The following CACNA1E variants were observed in gnomAD, a reference collection of about 807,000 sequenced individuals.
CACNA1E encodes calcium voltage-gated channel subunit alpha1 E.
CACNA1E carries 40 observed loss-of-function variants against 259.2 expected under a neutral mutation model. That is an observed-to-expected ratio of 0.15 (90% CI 0.12 to 0.20). CACNA1E has a LOEUF of 0.20. CACNA1E is among the 10% of genes least tolerant of loss of function. CACNA1E has a pLI of 1.00. For missense variants in CACNA1E, 1,874 were observed against 3,040.1 expected (o/e 0.62, Z 9.02); for synonymous variants, 1,104 against 1,138.5 (o/e 0.97, Z 0.61).
Position 181,483,805 on chromosome 1 carries a change from C to A in CACNA1E, c.61C>A (p.Gln21Lys). 6.2e-7 allele frequency: 1 copy of A among 1,613,322 alleles called. No homozygotes were observed. ...AGGGTCCGGCGATGGAGACTCGGAC[C>A]AGAGCAGGAACCGGCAAGGAACCCC... ...RPGSGDGDSD[Q>K]SRNRQGTPVP... is the part of the protein sequence containing the mutation. The change falls in exon 1 of 48, where the codon CAG (glutamine) becomes AAG (lysine). Residue 21 changes from glutamine to lysine, a missense_variant. By Grantham distance (53) the Gln-to-Lys change is moderately conservative. Coordinates refer to ENST00000367573, the MANE Select transcript of CACNA1E (RefSeq NM_001205293.3).
chr1:181,539,518 A>G (rs138087975), intron 3 of CACNA1E, among the ~76,000 whole-genome samples: 58 of 152,282 alleles, frequency 3.8e-4, no homozygotes, highest in Middle Eastern at 3.4e-3. Context: ...TCCTTGTCAC[A>G]TGATCACCTT....
chr1:181,739,224 C>G lies in CACNA1E; in HGVS notation c.3690C>G (p.Val1230=). The G allele has an allele frequency of 6.2e-7, 1 of 1,613,202 alleles. No homozygotes were observed. ...GGAACATCCTGGACTTTGTGGTGGTCGTTGGCGCATTGGTGGCCTTTGCTC... is the reference window on the plus strand; with the variant it reads ...GGAACATCCTGGACTTTGTGGTGGTGGTTGGCGCATTGGTGGCCTTTGCTC... ...DLWNILDFVV[V]VGALVAFALA... Residue 1230 remains valine (V), a synonymous_variant, in exon 25 of 48, where the codon GTC becomes GTG. Coordinates refer to ENST00000367573, the MANE Select transcript of CACNA1E (RefSeq NM_001205293.3).
chr1:181,494,315 TG>T lies in CACNA1E; in HGVS notation c.266+10306del, dbSNP rs1445843321. Among the ~76,000 whole-genome samples the T allele has an allele frequency of 7.5e-4, 112 of 150,030 alleles. 1 individual carries two copies. Among genetic ancestry groups the T allele is most frequent in the South Asian group, 5.2e-3 (25 of 4,770 alleles). On this transcript the variant is annotated intron_variant, in intron 1 of 47. Transcript: ENST00000367573. ...TGAATTAAAATACTTTTTAAAGTGGTGTTTTTTTTTTTTTTTAAAGAAGTGG... is the reference window on the plus strand; with the variant it reads ...TGAATTAAAATACTTTTTAAAGTGGTTTTTTTTTTTTTTTTAAAGAAGTGG...
In CACNA1E at chr1:181,783,943, C is replaced by T. The variant is rs143608542; in HGVS notation, c.5470+159C>T. Among the ~76,000 whole-genome samples the T allele has an allele frequency of 1.6e-3, 239 of 152,282 alleles. 1 individual carries two copies. Among genetic ancestry groups the T allele is most frequent in the African/African-American group, 5.5e-3 (228 of 41,552 alleles). On this transcript the variant is annotated intron_variant, in intron 40 of 47. Transcript: ENST00000367573. ...TATCTGACTCAATAACTAATAATTG[C>T]CCTTTCCTTCTGGTACAGTGAATGG...
chr1:181,422,265 C>T (rs977095114), intron 2 of CACNA1E, among the ~76,000 whole-genome samples: 9 of 152,216 alleles, frequency 5.9e-5, no homozygotes, highest in East Asian at 1.9e-4. Flanking sequence ...TTGACTGCCT[C>T]GTTCACTCCA....
At chr1:181,742,597 G>A (rs1458792797) in intron 25 of CACNA1E, among the ~76,000 whole-genome samples, 2 of 152,116 alleles carry the variant, frequency 1.3e-5, no homozygotes, top group Admixed American at 1.3e-4. Flanking sequence ...AGAAACCAGG[G>A]CTGACATGGC....
At chr1:181,731,703 G>A (rs1013513814) in intron 19 of CACNA1E, among the ~76,000 whole-genome samples, 5 of 152,066 alleles carry the variant, frequency 3.3e-5, no homozygotes, top group Non-Finnish European at 5.9e-5. Context: ...ATGATTTCCC[G>A]CTGCCCCATG....
At chr1:181,655,180 A>G (rs556449711) in intron 7 of CACNA1E, among the ~76,000 whole-genome samples, 1 of 152,220 alleles carries the variant, frequency 6.6e-6, no homozygotes, top group East Asian at 1.9e-4. Flanking sequence ...TACTTTAATG[A>G]TAATTTTTAT....
rs573828167 is a variant in CACNA1E at position 181,541,616 on chromosome 1, C to T, written c.512+30106C>T. ...TGAAAGGCTCTGTTTCTGGGCAAGC[C>T]GCAGTGCTTAGCAGCAGCTGCTAAA... is the stretch of plus-strand genomic sequence containing the variant. On this transcript the variant is annotated intron_variant, in intron 3 of 47. Transcript: ENST00000367573. Among the ~76,000 whole-genome samples, 224 of 152,282 alleles carry T rather than the reference C, an allele frequency of 1.5e-3. 1 individual carries two copies. The highest frequency in any genetic ancestry group is 5.2e-3 in the African/African-American group (218 of 41,540).
intron 1 of CACNA1E, among the ~76,000 whole-genome samples, chr1:181,338,038 G>A (rs532245202): frequency 3.3e-5 from 5 of 152,122 alleles, no homozygotes; most frequent in African/African-American, 1.2e-4. Flanking sequence ...TTGTCTTTTT[G>A]TTAATAGCCA....
intron 25 of CACNA1E, 102 bp from the exon 26 acceptor site, chr1:181,750,374 C>T: frequency 1.0e-6 from 1 of 988,854 alleles, no homozygotes; most frequent in South Asian, 1.4e-5. Flanking sequence ...TCTCTTTTCT[C>T]CCTGAAGTGT....
intron 7 of CACNA1E, among the ~76,000 whole-genome samples, chr1:181,693,426 T>G (rs1651398279): frequency 6.6e-6 from 1 of 152,272 alleles, no homozygotes; most frequent in South Asian, 2.1e-4. Context: ...AATGGTGGAT[T>G]GGATAAAGAA....
At chr1:181,373,982 A>C (rs1050947016) in intron 1 of CACNA1E, among the ~76,000 whole-genome samples, 1 of 151,946 alleles carries the variant, frequency 6.6e-6, no homozygotes, top group Admixed American at 6.6e-5. Flanking sequence ...ATTTGTATAG[A>C]TTTTTGCATC....
At chr1:181,604,003 C>T (rs1253446270) in intron 6 of CACNA1E, among the ~76,000 whole-genome samples, 2 of 152,184 alleles carry the variant, frequency 1.3e-5, no homozygotes, top group Non-Finnish European at 1.5e-5. Context: ...CTGTACCTTG[C>T]CCTTCCCTGT....
At chr1:181,757,647 TCTGA>T (rs1386432269) in intron 30 of CACNA1E, among the ~76,000 whole-genome samples, 4 of 152,222 alleles carry the variant, frequency 2.6e-5, no homozygotes, top group Non-Finnish European at 5.9e-5. Context: ...GATCTTTACT[TCTGA>T]CTAAGGACAT....
chr1:181,565,660 G>C (rs1381640587), intron 3 of CACNA1E, among the ~76,000 whole-genome samples: 3 of 152,254 alleles, frequency 2.0e-5, no homozygotes, highest in Admixed American at 1.3e-4. Context: ...CAGAGGAAGA[G>C]GAGGGACTGG....
chr1:181,547,931 C>T (rs555640652), intron 3 of CACNA1E, among the ~76,000 whole-genome samples: 49 of 152,198 alleles, frequency 3.2e-4, no homozygotes, highest in African/African-American at 1.1e-3. Context: ...TAGAGGAGAA[C>T]TTACTATCTA....
chr1:181,578,181 T>C (rs1651163759), intron 4 of CACNA1E, among the ~76,000 whole-genome samples: 1 of 152,218 alleles, frequency 6.6e-6, no homozygotes, highest in South Asian at 2.1e-4. Context: ...ATTTTTCCCC[T>C]GTGCATTTTA....
rs1250171650 is a variant in CACNA1E, at chr1:181,808,065, A to G, written c.*9231A>G. 1 of 152,210 alleles carries G rather than the reference A, an allele frequency of 6.6e-6. No individual in the cohort carries two copies. The highest frequency in any genetic ancestry group is 1.9e-4 in the East Asian group (1 of 5,198). The allele number at this position is 152,210 out of a possible 1,614,324, so 9.4% of individuals were successfully genotyped here. On this transcript the variant is annotated 3_prime_UTR_variant, in exon 48 of 48. Coordinates refer to ENST00000367573, the MANE Select transcript of CACNA1E (RefSeq NM_001205293.3). ...AGGCTAATGGCACTATGAAACAGAT[A>G]TAAAGAAAAATAGACACTGTTCTGA...
Sources: allele counts gnomAD v4.1 joint callset (sites outside exome capture counted in the v4.1 genomes callset), GRCh38; gene constraint gnomAD v4.1.1; transcripts MANE v1.5; gene names NCBI Gene and HGNC (gene_info 2026-07-23, HGNC 2026-07-21).